The following SCFD2 variants were observed in gnomAD, a reference collection of about 807,000 sequenced individuals.
The protein encoded by SCFD2 is sec1 family domain containing 2.
Under a neutral mutation model 58.9 loss-of-function variants are expected in SCFD2, and 54 were observed. The observed-to-expected ratio is 0.92, with a 90% CI of 0.74 to 1.15. The LOEUF (loss-of-function observed/expected upper bound fraction) is 1.15. Ranked by LOEUF, SCFD2 falls within the 50% of genes most tolerant of loss-of-function variation. The probability of loss-of-function intolerance (pLI) is 0.00; values close to 1 mark genes in which losing one functional copy is unlikely to be tolerated. For missense variants in SCFD2, 805 were observed against 836.6 expected, an observed-to-expected ratio of 0.96 and a Z score of 0.47; for synonymous variants, 321 against 335.9, an observed-to-expected ratio of 0.96 and a Z score of 0.49.
At chr4:52,961,922 G>A (rs1312673160) in intron 5 of SCFD2, among the ~76,000 whole-genome samples, 3 of 152,176 alleles carry the variant, frequency 2.0e-5, no homozygotes, top group Admixed American at 6.5e-5. Context: ...CAGTGGTGAC[G>A]ATAGGAATGG....
intron 4 of SCFD2, among the ~76,000 whole-genome samples, chr4:53,261,765 T>C (rs531642368): frequency 3.3e-5 from 5 of 152,294 alleles, no homozygotes; most frequent in African/African-American, 9.6e-5. Flanking sequence ...TTTAAGTCCA[T>C]TGTTTCTTTG....
At chr4:52,991,429 G>T (rs1035153370) in intron 5 of SCFD2, among the ~76,000 whole-genome samples, 1 of 152,164 alleles carries the variant, frequency 6.6e-6, no homozygotes, top group Non-Finnish European at 1.5e-5. Context: ...TTAGGAGGAG[G>T]GATTGGGGTT....
intron 5 of SCFD2, among the ~76,000 whole-genome samples, chr4:53,000,236 ACG>A (rs1721833530): frequency 6.6e-6 from 1 of 152,168 alleles, no homozygotes; most frequent in Non-Finnish European, 1.5e-5. Flanking sequence ...CGTACCTGGA[ACG>A]CCCATTAGGT....
intron 7 of SCFD2, among the ~76,000 whole-genome samples, chr4:52,896,286 T>C (rs1438467761): frequency 6.6e-6 from 1 of 152,242 alleles, no homozygotes; most frequent in Non-Finnish European, 1.5e-5. Flanking sequence ...TAAGTTTTTA[T>C]GGTTTTAGGT....
intron 1 of SCFD2, among the ~76,000 whole-genome samples, chr4:53,353,256 AGTTGTTCGTTCCTCTCCTCTGGG>A (rs1301504771): frequency 6.6e-6 from 1 of 150,938 alleles, no homozygotes; most frequent in Non-Finnish European, 1.5e-5. Flanking sequence ...GCGCGTCTGG[AGTTGTTCGTTCCTCTCCTCTGGG>A]GTTGTTCATC....
intron 5 of SCFD2, among the ~76,000 whole-genome samples, chr4:53,133,353 C>A (rs1288904017): frequency 1.4e-5 from 2 of 147,218 alleles, no homozygotes; most frequent in African/African-American, 5.0e-5. Context: ...AAAAAAAATT[C>A]TCTGTTTGGA....
In SCFD2 at chr4:52,909,842, A is replaced by C. The variant is rs191553650; in HGVS notation, c.1708-2251T>G. ...TACTTCCAGAATCGTAAGATAATTT[A>C]ATAAATATTATTTTAAATGTAAAAA... On this transcript the variant is annotated intron_variant, in intron 6 of 8. Transcript: ENST00000401642. Among the ~76,000 whole-genome samples the C allele has an allele frequency of 3.2e-3, 487 of 152,280 alleles. 4 individuals carry two copies. Among genetic ancestry groups the C allele is most frequent in the African/African-American group, 0.011 (472 of 41,544 alleles).
chr4:53,205,873 G>GT (rs1266321194), intron 4 of SCFD2, among the ~76,000 whole-genome samples: 2 of 149,970 alleles, frequency 1.3e-5, no homozygotes, highest in African/African-American at 4.9e-5. Flanking sequence ...AAAAAAAAAA[G>GT]ATGGGCAAAA....
intron 5 of SCFD2, among the ~76,000 whole-genome samples, chr4:53,040,431 C>T (rs1189185130): frequency 1.3e-5 from 2 of 151,960 alleles, no homozygotes; most frequent in African/African-American, 4.8e-5. Flanking sequence ...TCCAACCATA[C>T]CTCAATTTCA....
rs544459936 is a variant in SCFD2 at position 53,036,546 on chromosome 4, A to C, written c.1561+108787T>G. 1.2e-3 allele frequency among the ~76,000 whole-genome samples: 187 copies of C among 151,280 alleles called. 1 individual carries two copies. In the Middle Eastern group the frequency reaches 0.027, roughly 22 times the overall value. On this transcript the variant is annotated intron_variant, in intron 5 of 8. Coordinates refer to ENST00000401642, the MANE Select transcript of SCFD2 (RefSeq NM_152540.4). ...GGATAAGTTCATGTCCTTTGCAGGG[A>C]CATGGATGAAGCTGGAAACCATCAT... is the stretch of plus-strand genomic sequence containing the variant.
chr4:53,329,443 C>A (rs1384842514), intron 2 of SCFD2, among the ~76,000 whole-genome samples: 1 of 151,644 alleles, frequency 6.6e-6, no homozygotes, highest in Non-Finnish European at 1.5e-5. Context: ...GACCCCTGAC[C>A]CCCGAGCAGC....
intron 4 of SCFD2, among the ~76,000 whole-genome samples, chr4:53,180,138 G>C (rs553071774): frequency 6.6e-6 from 1 of 152,292 alleles, no homozygotes; most frequent in South Asian, 2.1e-4. Flanking sequence ...ACTCAGCTCT[G>C]CACCAAGCGG....
At chr4:53,255,191 T>C (rs114040476) in intron 4 of SCFD2, among the ~76,000 whole-genome samples, 2,746 of 145,668 alleles carry the variant, frequency 0.019, 89 homozygotes, top group African/African-American at 0.066. Context: ...ATTCTTTTTT[T>C]TTCTTTTTTA....
intron 5 of SCFD2, among the ~76,000 whole-genome samples, chr4:53,032,034 A>G (rs1203051323): frequency 1.3e-5 from 2 of 152,234 alleles, no homozygotes; most frequent in African/African-American, 4.8e-5. Flanking sequence ...AAGGGCAGCC[A>G]GGCAGAAAGG....
intron 7 of SCFD2, among the ~76,000 whole-genome samples, chr4:52,896,304 T>G (rs973514684): frequency 5.3e-5 from 8 of 152,240 alleles, no homozygotes; most frequent in Non-Finnish European, 8.8e-5. Flanking sequence ...GGTCTAACAT[T>G]TAAGTCTTTA....
chr4:53,303,429 A>G (rs951706910), intron 3 of SCFD2, among the ~76,000 whole-genome samples: 3 of 152,156 alleles, frequency 2.0e-5, no homozygotes, highest in Admixed American at 1.3e-4. Flanking sequence ...TTAGAATGGC[A>G]ATCATTAAAA....
chr4:53,161,258 T>C (rs1314283843), intron 4 of SCFD2, among the ~76,000 whole-genome samples: 2 of 152,188 alleles, frequency 1.3e-5, no homozygotes, highest in Admixed American at 6.5e-5. Context: ...TGAAAATTCA[T>C]TGAGCTGTAC....
intron 3 of SCFD2, among the ~76,000 whole-genome samples, chr4:53,303,334 A>T (rs1444837759): frequency 6.6e-6 from 1 of 152,238 alleles, no homozygotes; most frequent in Non-Finnish European, 1.5e-5. Flanking sequence ...TTATGTAGCC[A>T]AAAAACACAT....
At chr4:53,124,361 G>C (rs4479764) in intron 5 of SCFD2, among the ~76,000 whole-genome samples, 9 of 152,256 alleles carry the variant, frequency 5.9e-5, no homozygotes, top group Non-Finnish European at 8.8e-5. Context: ...TTTCTTCTGA[G>C]AAAAGAAGCA....
Sources: allele counts gnomAD v4.1 joint callset (sites outside exome capture counted in the v4.1 genomes callset), GRCh38; gene constraint gnomAD v4.1.1; transcripts MANE v1.5; gene names NCBI Gene and HGNC (gene_info 2026-07-23, HGNC 2026-07-21).